The following SLC16A10 variants were observed in gnomAD, a reference collection of about 807,000 sequenced individuals.
SLC16A10 encodes monocarboxylate transporter 10.
SLC16A10 carries 27 observed loss-of-function variants against 40.0 expected under a neutral mutation model. The ratio of observed to expected loss-of-function variants is 0.67; its 90% CI spans 0.50 to 0.93. SLC16A10 has a LOEUF of 0.93. Among genes scored for constraint, SLC16A10 ranks in the 40% least tolerant of loss-of-function variants. SLC16A10 has a pLI of 0.00. For missense variants in SLC16A10, 529 were observed against 658.2 expected (o/e 0.80, Z 2.15); for synonymous variants, 213 against 249.8 (o/e 0.85, Z 1.39).
chr6:111,206,541 G>T lies in SLC16A10; in HGVS notation c.943-51G>T, dbSNP rs571006628. On this transcript the variant is annotated intron_variant, in intron 3 of 5. Transcript: ENST00000368851. Reference sequence around the variant, plus strand: ...GCATTTGATGCAAAGCCTCAAATTTGTCAAGTTTTTCTACCATATTCAGTG... The same window carrying T: ...GCATTTGATGCAAAGCCTCAAATTTTTCAAGTTTTTCTACCATATTCAGTG... 3 of 1,605,936 alleles carry T rather than the reference G, an allele frequency of 1.9e-6. No homozygotes were observed. The South Asian group carries it at 3.3e-5, about 18-fold the overall frequency.
chr6:111,140,444 C>T (rs1309071345), intron 1 of SLC16A10, among the ~76,000 whole-genome samples: 3 of 151,812 alleles, frequency 2.0e-5, no homozygotes, highest in Non-Finnish European at 4.4e-5. Context: ...GCCTGGGCGA[C>T]ACAGCAAGAC....
In SLC16A10 at chr6:111,180,456, G is replaced by A. The variant is rs568395468; in HGVS notation, c.942+2791G>A. On this transcript the variant is annotated intron_variant, in intron 3 of 5. Coordinates refer to ENST00000368851, the MANE Select transcript of SLC16A10 (RefSeq NM_018593.5). ...CCCAGCTACTTGGGAGGCTGGGGTGGAAGGATCGCATGAGCCCAGGAGGTC... is the reference window on the plus strand; with the variant it reads ...CCCAGCTACTTGGGAGGCTGGGGTGAAAGGATCGCATGAGCCCAGGAGGTC... Among the ~76,000 whole-genome samples, 5 of 152,328 alleles carry A rather than the reference G, an allele frequency of 3.3e-5. No individual in the cohort carries two copies. In the South Asian group the frequency reaches 1.0e-3, roughly 32 times the overall value.
chr6:111,156,677 T>TGG (rs1040254306), intron 1 of SLC16A10, among the ~76,000 whole-genome samples: 3 of 152,164 alleles, frequency 2.0e-5, no homozygotes, highest in African/African-American at 7.2e-5. Flanking sequence ...AAATATAATG[T>TGG]GGTATCTTGT....
At chr6:111,100,980 CTCTCTCTCTCTCTA>C (rs1268562231) in intron 1 of SLC16A10, among the ~76,000 whole-genome samples, 1,726 of 119,888 alleles carry the variant, frequency 0.014, 14 homozygotes, top group African/African-American at 0.044. Context: ...CTCTCTCTCT[CTCTCTCTCTCTCTA>C]TATATATATA....
At chr6:111,171,485 G>T (rs575057884) in intron 1 of SLC16A10, among the ~76,000 whole-genome samples, 172 of 152,276 alleles carry the variant, frequency 1.1e-3, no homozygotes, top group African/African-American at 4.0e-3. Context: ...GACCCTGTCT[G>T]TACAAAAGAA....
intron 1 of SLC16A10, among the ~76,000 whole-genome samples, chr6:111,121,960 A>G (rs1395235807): frequency 2.0e-5 from 3 of 152,210 alleles, no homozygotes; most frequent in Non-Finnish European, 4.4e-5. Flanking sequence ...GGCTCTCAGC[A>G]GCTGGCTTTC....
At chr6:111,165,986 C>G (rs1313153419) in intron 1 of SLC16A10, among the ~76,000 whole-genome samples, 3 of 152,218 alleles carry the variant, frequency 2.0e-5, no homozygotes, top group Admixed American at 2.0e-4. Context: ...AGACCTGTAG[C>G]AAAGTCTGTA....
chr6:111,128,140 T>C (rs1462666108), intron 1 of SLC16A10, among the ~76,000 whole-genome samples: 1 of 152,242 alleles, frequency 6.6e-6, no homozygotes, highest in Non-Finnish European at 1.5e-5. Context: ...GAAGTTTGTT[T>C]CTTTGAATCT....
At chr6:111,186,757 C>A (rs1289006253) in intron 3 of SLC16A10, among the ~76,000 whole-genome samples, 1 of 152,206 alleles carries the variant, frequency 6.6e-6, no homozygotes, top group African/African-American at 2.4e-5. Flanking sequence ...CATGTAGCAT[C>A]TATTTACCCC....
At chr6:111,124,390 C>T (rs539950405) in intron 1 of SLC16A10, among the ~76,000 whole-genome samples, 22 of 148,968 alleles carry the variant, frequency 1.5e-4, no homozygotes, top group African/African-American at 5.2e-4. Flanking sequence ...GAGTCTGGCT[C>T]TGTTGCTCAG....
chr6:111,135,186 G>C (rs540321910), intron 1 of SLC16A10, among the ~76,000 whole-genome samples: 1,733 of 152,248 alleles, frequency 0.011, 7 homozygotes, highest in African/African-American at 0.023. Context: ...GTCCCCTGCT[G>C]GAGGAAGGAA....
chr6:111,110,620 G>A (rs369015198), intron 1 of SLC16A10, among the ~76,000 whole-genome samples: 1 of 152,158 alleles, frequency 6.6e-6, no homozygotes, highest in Non-Finnish European at 1.5e-5. Context: ...TGGTCCTGGG[G>A]TTGAGCAGCA....
chr6:111,140,335 CA>C (rs954900764), intron 1 of SLC16A10, among the ~76,000 whole-genome samples: 10 of 152,024 alleles, frequency 6.6e-5, no homozygotes, highest in Non-Finnish European at 1.5e-4. Flanking sequence ...TGGTGGTGTG[CA>C]CCTGTAGTCC....
At chr6:111,198,918 A>T (rs1467415131) in intron 3 of SLC16A10, among the ~76,000 whole-genome samples, 2 of 152,224 alleles carry the variant, frequency 1.3e-5, no homozygotes, top group Admixed American at 1.3e-4. Flanking sequence ...CATGAATCAC[A>T]AACAGGAGTC....
At chr6:111,194,982 C>T (rs562618187) in intron 3 of SLC16A10, among the ~76,000 whole-genome samples, 1 of 152,276 alleles carries the variant, frequency 6.6e-6, no homozygotes, top group African/African-American at 2.4e-5. Context: ...CACTTCTCAA[C>T]TCTGCATCCC....
At chr6:111,100,876 A>G (rs966657357) in intron 1 of SLC16A10, among the ~76,000 whole-genome samples, 4 of 151,390 alleles carry the variant, frequency 2.6e-5, no homozygotes, top group Non-Finnish European at 5.9e-5. Context: ...ATGTTGTTAT[A>G]TATGTATGGG....
chr6:111,126,757 GGTTAATAATAGAA>G (rs1771682760), intron 1 of SLC16A10, among the ~76,000 whole-genome samples: 1 of 151,982 alleles, frequency 6.6e-6, no homozygotes, highest in African/African-American at 2.4e-5. Context: ...ATAGCACTGT[GGTTAATAATAGAA>G]GTTCTTATAT....
intron 3 of SLC16A10, among the ~76,000 whole-genome samples, chr6:111,203,636 C>T (rs895695250): frequency 6.6e-6 from 1 of 151,594 alleles, no homozygotes; most frequent in Non-Finnish European, 1.5e-5. Flanking sequence ...GGAGGAGAAT[C>T]GCTTGAACCA....
At chr6:111,094,782 C>T (rs1181366427) in intron 1 of SLC16A10, among the ~76,000 whole-genome samples, 4 of 152,128 alleles carry the variant, frequency 2.6e-5, no homozygotes, top group Non-Finnish European at 5.9e-5. Flanking sequence ...CAACACCAGG[C>T]ACATGCCACC....
Sources: allele counts gnomAD v4.1 joint callset (sites outside exome capture counted in the v4.1 genomes callset), GRCh38; gene constraint gnomAD v4.1.1; transcripts MANE v1.5; gene names NCBI Gene and HGNC (gene_info 2026-07-23, HGNC 2026-07-21).